Variants in CACNA2D3 observed in about 807,000 individuals in gnomAD.
The protein encoded by CACNA2D3 is voltage-dependent calcium channel subunit alpha-2/delta-3.
CACNA2D3 carries 60 observed loss-of-function variants against 160.6 expected under a neutral mutation model. That is an observed-to-expected ratio of 0.37 (90% CI 0.30 to 0.46). The LOEUF is 0.46. CACNA2D3 is among the 20% of genes least tolerant of loss of function. The pLI, the probability that CACNA2D3 is intolerant of heterozygous loss-of-function variation, is 1.00. For missense variants in CACNA2D3, 1,205 were observed against 1,365.0 expected, an observed-to-expected ratio of 0.88 and a Z score of 1.85; for synonymous variants, 558 against 492.9, an observed-to-expected ratio of 1.13 and a Z score of -1.75.
At chr3:54,885,665 T>C in intron 23 of CACNA2D3, 79 bp downstream of exon 23, 1 of 988,116 alleles carries the variant, frequency 1.0e-6, no homozygotes, top group Non-Finnish European at 1.6e-6. Flanking sequence ...TTGGCCTCAC[T>C]TGTTAAGGGA....
At chr3:54,713,296 G>C (rs2106967919) in intron 11 of CACNA2D3, among the ~76,000 whole-genome samples, 1 of 152,304 alleles carries the variant, frequency 6.6e-6, no homozygotes, top group South Asian at 2.1e-4. Context: ...CAAAGCTCAA[G>C]GTCTGAGCTC....
At chr3:54,864,797 C>T (rs748224484) in intron 17 of CACNA2D3, among the ~76,000 whole-genome samples, 9 of 152,098 alleles carry the variant, frequency 5.9e-5, no homozygotes, top group Non-Finnish European at 1.0e-4. Flanking sequence ...GAGGCAGTGC[C>T]GAGGGCCGGT....
At chr3:54,688,423 G>C (rs900510058) in intron 11 of CACNA2D3, among the ~76,000 whole-genome samples, 1 of 151,918 alleles carries the variant, frequency 6.6e-6, no homozygotes, top group Non-Finnish European at 1.5e-5. Flanking sequence ...TGAAGGACAG[G>C]AAGGAAGGAT....
chr3:54,137,558 T>C (rs1226710283), intron 2 of CACNA2D3, among the ~76,000 whole-genome samples: 15 of 152,234 alleles, frequency 9.9e-5, no homozygotes, highest in Non-Finnish European at 1.9e-4. Context: ...GTGTTTTTTT[T>C]CTAAGTCAGT....
At chr3:55,052,522 C>G (rs1430853496) in intron 35 of CACNA2D3, among the ~76,000 whole-genome samples, 2 of 151,800 alleles carry the variant, frequency 1.3e-5, no homozygotes, top group Admixed American at 6.6e-5. Flanking sequence ...AAGTTGGTTT[C>G]TATATTCTTA....
At chr3:54,889,675 C>T (rs533149208) in intron 24 of CACNA2D3, among the ~76,000 whole-genome samples, 1 of 152,242 alleles carries the variant, frequency 6.6e-6, no homozygotes, top group South Asian at 2.1e-4. Flanking sequence ...GTCAGGTAGG[C>T]TGTTTAGTAT....
chr3:54,166,330 A>G (rs1233973030), intron 2 of CACNA2D3, among the ~76,000 whole-genome samples: 1 of 152,184 alleles, frequency 6.6e-6, no homozygotes, highest in East Asian at 1.9e-4. Flanking sequence ...CTAAATTATA[A>G]TGCTCCTTGC....
chr3:54,791,869 C>T (rs1164093784), intron 13 of CACNA2D3, among the ~76,000 whole-genome samples: 1 of 152,088 alleles, frequency 6.6e-6, no homozygotes, highest in Non-Finnish European at 1.5e-5. Flanking sequence ...AGTTTGTTTC[C>T]TGGCAAGCAT....
At chr3:54,625,286 G>GA (rs113227223) in intron 9 of CACNA2D3, among the ~76,000 whole-genome samples, 56 of 151,104 alleles carry the variant, frequency 3.7e-4, no homozygotes, top group Admixed American at 6.6e-4. Flanking sequence ...TGCTCAAAAA[G>GA]AAAAAAAAAT....
intron 15 of CACNA2D3, 104 bp from the exon 16 acceptor site, chr3:54,838,464 T>C: frequency 3.4e-6 from 3 of 877,544 alleles, no homozygotes; most frequent in Admixed American, 3.5e-5. Flanking sequence ...TCTGTATCAG[T>C]TTGGGGAAGG....
chr3:54,609,874 A>G (rs1194769602), intron 9 of CACNA2D3, among the ~76,000 whole-genome samples: 2 of 152,214 alleles, frequency 1.3e-5, no homozygotes, highest in Non-Finnish European at 1.5e-5. Context: ...CGGCCATAAC[A>G]AAGTACCACA....
intron 12 of CACNA2D3, among the ~76,000 whole-genome samples, chr3:54,757,089 G>A (rs1357309332): frequency 2.6e-5 from 4 of 152,118 alleles, no homozygotes; most frequent in African/African-American, 9.7e-5. Context: ...GCCGACTACC[G>A]ACTAGCCCAG....
chr3:54,199,185 C>T (rs929460294), intron 2 of CACNA2D3, among the ~76,000 whole-genome samples: 2 of 152,064 alleles, frequency 1.3e-5, no homozygotes, highest in Non-Finnish European at 2.9e-5. Flanking sequence ...ACTAATAAAA[C>T]ACCCAAATTC....
At chr3:54,397,552 TTC>T (rs1699379067) in intron 4 of CACNA2D3, among the ~76,000 whole-genome samples, 1 of 144,844 alleles carries the variant, frequency 6.9e-6, no homozygotes, top group Non-Finnish European at 1.5e-5. Context: ...ACATTTTTAT[TTC>T]TGTCTTCATT....
rs114419509 is a variant in CACNA2D3 at position 54,826,783 on chromosome 3, G to A, written c.1398+9913G>A. 8.6e-3 allele frequency among the ~76,000 whole-genome samples: 1,282 copies of A among 149,218 alleles called. 15 individuals carry two copies. The highest frequency in any genetic ancestry group is 0.029 in the African/African-American group (1,166 of 40,346). On this transcript the variant is annotated intron_variant, in intron 14 of 37. Transcript: ENST00000474759. ...TGCTTTCATATTATTTAACTGTTAA[G>A]ACCAAGATATTTGATCATGGGATAA...
At chr3:54,999,643 A>G (rs538913617) in intron 31 of CACNA2D3, among the ~76,000 whole-genome samples, 2 of 152,270 alleles carry the variant, frequency 1.3e-5, no homozygotes, top group Admixed American at 1.3e-4. Flanking sequence ...TTACAGGAAA[A>G]TTACCTGGCC....
intron 11 of CACNA2D3, among the ~76,000 whole-genome samples, chr3:54,749,184 C>G (rs1701811596): frequency 6.6e-6 from 1 of 152,042 alleles, no homozygotes. Context: ...AAGTATGAGG[C>G]CACTTTTAGA....
At chr3:54,576,936 C>G (rs1249401555) in intron 8 of CACNA2D3, among the ~76,000 whole-genome samples, 1 of 152,080 alleles carries the variant, frequency 6.6e-6, no homozygotes, top group Non-Finnish European at 1.5e-5. Context: ...ATTTGGGAAG[C>G]TGAGTCAGAA....
chr3:54,626,683 T>TA (rs1699117221), intron 9 of CACNA2D3: 19 of 242,682 alleles, frequency 7.8e-5, no homozygotes, highest in Middle Eastern at 9.2e-4. Flanking sequence ...ATGGTTCCAG[T>TA]CAAAAAAAAA....
Sources: allele counts gnomAD v4.1 joint callset (sites outside exome capture counted in the v4.1 genomes callset), GRCh38; gene constraint gnomAD v4.1.1; transcripts MANE v1.5; gene names NCBI Gene and HGNC (gene_info 2026-07-23, HGNC 2026-07-21).